The following ERP44 variants were observed in gnomAD, a reference collection of about 807,000 sequenced individuals.
ERP44 encodes the protein endoplasmic reticulum protein 44.
A neutral mutation model predicts 53.4 loss-of-function variants in ERP44; 25 were observed. The observed-to-expected ratio is 0.47, with a 90% CI of 0.34 to 0.65. The LOEUF (loss-of-function observed/expected upper bound fraction) is 0.65. Among genes scored for constraint, ERP44 ranks in the 30% least tolerant of loss-of-function variants. The pLI is 0.01. For missense variants in ERP44, 338 were observed against 493.2 expected, an observed-to-expected ratio of 0.69 and a Z score of 2.98; for synonymous variants, 145 against 161.2, an observed-to-expected ratio of 0.90 and a Z score of 0.76.
At chr9:100,012,778 T>C (rs1023584688) in intron 8 of ERP44, among the ~76,000 whole-genome samples, 1 of 152,160 alleles carries the variant, frequency 6.6e-6, no homozygotes, top group Non-Finnish European at 1.5e-5. Context: ...AAAGATGAAG[T>C]AGACACTTTT....
intron 1 of ERP44, among the ~76,000 whole-genome samples, chr9:100,077,046 T>C (rs752665905): frequency 6.6e-6 from 1 of 152,162 alleles, no homozygotes; most frequent in Non-Finnish European, 1.5e-5. Context: ...TTCCTCAGGG[T>C]GATCAGCCAG....
rs1394437714 is a variant in ERP44 at position 99,998,565 on chromosome 9, C to T, written c.1016+7941G>A. The T allele has an allele frequency of 3.6e-5, 26 of 730,256 alleles. No individual in the cohort carries two copies. The East Asian group carries it at 6.3e-4, about 18-fold the overall frequency. 45.2% of individuals were successfully genotyped at this position (730,256 alleles called of 1,614,324 possible). A position where few individuals can be genotyped will look rare whatever the true frequency, so the allele number is the denominator to read the frequency against. On this transcript the variant is annotated intron_variant, in intron 10 of 11. Transcript: ENST00000262455. ...CGCCTTCTGGAAAGCCAGTCAGGCT[C>T]GTGGTGAGCTCTGTGCCTCCTGCCG...
At chr9:100,039,619 A>T (rs1312569736) in intron 4 of ERP44, among the ~76,000 whole-genome samples, 1 of 152,090 alleles carries the variant, frequency 6.6e-6, no homozygotes, top group East Asian at 1.9e-4. Flanking sequence ...AAAGAATTAG[A>T]AAAGCAAGAT....
chr9:99,982,583 G>T lies in ERP44; in HGVS notation c.*29C>A. The stretch of plus-strand genomic sequence containing the variant: ...CACCACGTAGGTTGATGCTGCTGTT[G>T]AAAGGCTTACAAACTGTTTTTCAAG... On this transcript the variant is annotated 3_prime_UTR_variant, in exon 12 of 12. Transcript: ENST00000262455. The T allele has an allele frequency of 8.1e-7, 1 of 1,231,378 alleles. No individual in the cohort carries two copies. The highest frequency in any genetic ancestry group is 1.1e-6 in the Non-Finnish European group (1 of 889,188). The allele number at this position is 1,231,378 out of a possible 1,614,324, so 76.3% of individuals were successfully genotyped here. A position where few individuals can be genotyped will look rare whatever the true frequency, so the allele number is the denominator to read the frequency against.
rs536698592 is a variant in ERP44, at chr9:100,045,346, A to T, written c.286+7071T>A. On this transcript the variant is annotated intron_variant, in intron 4 of 11. Transcript: ENST00000262455. Reference sequence around the variant, plus strand: ...ATTCAATACCTTCCCGTCAGAATAGATATCACAATTTGCGATTGTGTATTG... The same window carrying T: ...ATTCAATACCTTCCCGTCAGAATAGTTATCACAATTTGCGATTGTGTATTG... 2.0e-5 allele frequency among the ~76,000 whole-genome samples: 3 copies of T among 152,274 alleles called. No homozygotes were observed. In the East Asian group the frequency reaches 5.8e-4, roughly 29 times the overall value.
chr9:100,013,868 C>T (rs772691827), intron 8 of ERP44, among the ~76,000 whole-genome samples: 6 of 152,178 alleles, frequency 3.9e-5, no homozygotes, highest in East Asian at 1.9e-4. Flanking sequence ...GCATTATTCA[C>T]GGTAGTCAAA....
chr9:100,074,513 G>C (rs533393065), intron 1 of ERP44, among the ~76,000 whole-genome samples: 1 of 152,096 alleles, frequency 6.6e-6, no homozygotes, highest in Admixed American at 6.5e-5. Context: ...ATTATAAACC[G>C]AGAATCATGG....
At chr9:100,049,568 C>T (rs1314771716) in intron 4 of ERP44, among the ~76,000 whole-genome samples, 1 of 152,148 alleles carries the variant, frequency 6.6e-6, no homozygotes. Context: ...GGAGACACCA[C>T]TTCACACATA....
intron 1 of ERP44, among the ~76,000 whole-genome samples, chr9:100,069,153 C>A (rs867163948): frequency 1.3e-3 from 203 of 152,012 alleles, no homozygotes; most frequent in African/African-American, 4.6e-3. Flanking sequence ...ACAAACACTG[C>A]GGAAGGCCGC....
intron 11 of ERP44, among the ~76,000 whole-genome samples, chr9:99,984,264 G>A (rs1830176107): frequency 6.6e-6 from 1 of 151,738 alleles, no homozygotes; most frequent in Non-Finnish European, 1.5e-5. Context: ...AGAGGGTTTT[G>A]GTACATATCT....
chr9:100,090,706 G>A (rs1305688833), intron 1 of ERP44, among the ~76,000 whole-genome samples: 13 of 151,430 alleles, frequency 8.6e-5, no homozygotes, highest in Admixed American at 8.5e-4. Flanking sequence ...CCGAGATCAC[G>A]CCATTGCATT....
intron 8 of ERP44, among the ~76,000 whole-genome samples, chr9:100,013,435 A>AAC (rs1554706974): frequency 4.6e-4 from 69 of 149,578 alleles, no homozygotes; most frequent in African/African-American, 1.5e-3. Context: ...AAAAAAAAAA[A>AAC]AAAGAATTAT....
At chr9:100,019,953 A>G (rs1219544701) in intron 6 of ERP44, among the ~76,000 whole-genome samples, 3 of 152,230 alleles carry the variant, frequency 2.0e-5, no homozygotes, top group Non-Finnish European at 4.4e-5. Context: ...GTAGCCAGGC[A>G]TAAACTAATC....
chr9:99,989,865 T>C (rs527966262), intron 10 of ERP44, among the ~76,000 whole-genome samples: 1 of 152,258 alleles, frequency 6.6e-6, no homozygotes, highest in South Asian at 2.1e-4. Context: ...GCACGAGAAC[T>C]ATGTGACACA....
chr9:100,042,527 C>T (rs7026529), intron 4 of ERP44, among the ~76,000 whole-genome samples: 30,884 of 152,022 alleles, frequency 0.2, 5,257 homozygotes, highest in African/African-American at 0.47. Flanking sequence ...AAAAATAGAA[C>T]GACCATATGA....
intron 1 of ERP44, among the ~76,000 whole-genome samples, chr9:100,095,509 G>A (rs1826616600): frequency 6.6e-6 from 1 of 152,120 alleles, no homozygotes. Context: ...TTGATGATAT[G>A]AAGGAATTTC....
At chr9:99,995,860 T>C (rs767886802) in intron 10 of ERP44, among the ~76,000 whole-genome samples, 1 of 152,076 alleles carries the variant, frequency 6.6e-6, no homozygotes, top group Non-Finnish European at 1.5e-5. Context: ...CTTCAACAGA[T>C]TGATTTCCTA....
At chr9:100,088,634 C>T (rs755768677) in intron 1 of ERP44, among the ~76,000 whole-genome samples, 6 of 152,230 alleles carry the variant, frequency 3.9e-5, no homozygotes, top group Non-Finnish European at 8.8e-5. Context: ...CCTTTCACCA[C>T]TTTTTGTTTC....
intron 11 of ERP44, among the ~76,000 whole-genome samples, chr9:99,983,418 G>A (rs1830167474): frequency 6.6e-6 from 1 of 151,564 alleles, no homozygotes; most frequent in Non-Finnish European, 1.5e-5. Context: ...GGTGGCGGGC[G>A]CCTGTAGTCC....
Sources: allele counts gnomAD v4.1 joint callset (sites outside exome capture counted in the v4.1 genomes callset), GRCh38; gene constraint gnomAD v4.1.1; transcripts MANE v1.5; gene names NCBI Gene and HGNC (gene_info 2026-07-23, HGNC 2026-07-21).